The following UNC13B variants were observed in gnomAD, a reference collection of about 807,000 sequenced individuals.
UNC13B encodes the protein unc-13 homolog B, also known as protein unc-13 homolog B.
Under a neutral mutation model 211.0 loss-of-function variants are expected in UNC13B, and 144 were observed. The ratio of observed to expected loss-of-function variants is 0.68; its 90% CI spans 0.60 to 0.78. UNC13B has a LOEUF of 0.78. Ranked by LOEUF, UNC13B falls within the 30% of genes least tolerant of loss-of-function variation. The pLI, the probability that UNC13B is intolerant of heterozygous loss-of-function variation, is 0.00. For synonymous variants in UNC13B, 709 were observed against 725.8 expected (o/e 0.98, Z 0.37); for missense variants, 1,777 against 2,002.0 (o/e 0.89, Z 2.14).
intron 1 of UNC13B, among the ~76,000 whole-genome samples, chr9:35,196,472 A>C (rs1822947079): frequency 6.6e-6 from 1 of 152,322 alleles, no homozygotes; most frequent in African/African-American, 2.4e-5. Flanking sequence ...AGCGGAAGTT[A>C]CATGTTTTTT....
rs1829747539 is a variant in UNC13B at position 35,302,751 on chromosome 9, G to T, written c.3347G>T (p.Cys1116Phe). The T allele has an allele frequency of 2.5e-6, 1 of 398,632 alleles. No homozygotes were observed. The highest frequency in any genetic ancestry group is 2.1e-5 in the African/African-American group (1 of 48,736). The allele number at this position is 398,632 out of a possible 1,614,324, so 24.7% of individuals were successfully genotyped here. A position where few individuals can be genotyped will look rare whatever the true frequency, so the allele number is the denominator to read the frequency against. Residue 1116 changes from cysteine (C) to phenylalanine (F), a missense_variant, in exon 9 of 40, where the codon TGT becomes TTT. Cys to Phe is a radical substitution (Grantham distance 205, BLOSUM62 -2). Transcript: ENST00000635942. Reference sequence around the variant, plus strand: ...GTAGCATCAGACTCTTCATTAGAGTGTATTTCTACCACTTCCAAATCCACT... The same window carrying T: ...GTAGCATCAGACTCTTCATTAGAGTTTATTTCTACCACTTCCAAATCCACT... ...SSVASDSSLECISTTSKSTLV... is the reference protein window; with the variant it reads ...SSVASDSSLEFISTTSKSTLV...
intron 1 of UNC13B, among the ~76,000 whole-genome samples, chr9:35,203,710 A>G (rs181473768): frequency 6.6e-6 from 1 of 152,238 alleles, no homozygotes; most frequent in Non-Finnish European, 1.5e-5. Flanking sequence ...GCTGCTTCTA[A>G]CAGCCTGCAT....
Position 35,376,203 on chromosome 9 carries a change from G to A in UNC13B, c.9791G>A (p.Cys3264Tyr). ...CGCTGCAGCGAATGTGGAGTCAAGT[G>A]CCATGAGAAGTGCCAGGATCTGCTC... ...GMRCSECGVK[C>Y]HEKCQDLLNA... The change falls in exon 15 of 40, where the codon TGC becomes TAC. Residue 3264 changes from cysteine (C) to tyrosine (Y), a missense_variant. Physicochemically the swap from Cys to Tyr is radical, Grantham distance 194 (BLOSUM62 -2). Coordinates refer to ENST00000635942, the MANE Select transcript of UNC13B (RefSeq NM_001371189.2). 6.2e-7 allele frequency: 1 copy of A among 1,614,092 alleles called. No homozygotes were observed. Among genetic ancestry groups the A allele is most frequent in the Non-Finnish European group, 8.5e-7 (1 of 1,180,020 alleles).
intron 11 of UNC13B, among the ~76,000 whole-genome samples, chr9:35,358,608 A>G (rs1833187736): frequency 6.7e-6 from 1 of 150,346 alleles, no homozygotes; most frequent in Non-Finnish European, 1.5e-5. Context: ...CTGAGAAATC[A>G]TTGGTTAATC....
intron 11 of UNC13B, among the ~76,000 whole-genome samples, chr9:35,331,695 C>A (rs1188626269): frequency 6.6e-6 from 1 of 152,044 alleles, no homozygotes; most frequent in Non-Finnish European, 1.5e-5. Flanking sequence ...ATACTTTTTT[C>A]TCTCAGTCAC....
chr9:35,166,507 T>A (rs1254359026), intron 1 of UNC13B, among the ~76,000 whole-genome samples: 3 of 152,152 alleles, frequency 2.0e-5, no homozygotes, highest in East Asian at 1.9e-4. Flanking sequence ...ACTTTTTTTT[T>A]AAATTTAATT....
intron 12 of UNC13B, 103 bp from the exon 13 acceptor site, chr9:35,370,215 A>T (rs575780158): frequency 1.1e-6 from 1 of 930,420 alleles, no homozygotes. Flanking sequence ...AGGTCAGTTC[A>T]TCTTCCTCTG....
chr9:35,288,226 G>A (rs1478491622), intron 7 of UNC13B, among the ~76,000 whole-genome samples: 1 of 151,920 alleles, frequency 6.6e-6, no homozygotes, highest in African/African-American at 2.4e-5. Context: ...ACCACCATTG[G>A]CCACACTGTT....
intron 4 of UNC13B, among the ~76,000 whole-genome samples, chr9:35,237,090 CTA>C (rs1825555123): frequency 6.6e-6 from 1 of 152,124 alleles, no homozygotes; most frequent in Admixed American, 6.6e-5. Context: ...CACACTGTCT[CTA>C]TACGTTATTT....
intron 26 of UNC13B, among the ~76,000 whole-genome samples, chr9:35,392,270 A>C (rs1292952818): frequency 1.3e-5 from 2 of 152,222 alleles, no homozygotes; most frequent in Non-Finnish European, 2.9e-5. Flanking sequence ...ATGTGAAGCC[A>C]GCAGTATTTT....
chr9:35,250,413 A>G (rs1275760937), intron 6 of UNC13B, among the ~76,000 whole-genome samples: 1 of 152,240 alleles, frequency 6.6e-6, no homozygotes, highest in Non-Finnish European at 1.5e-5. Flanking sequence ...TATAAATGAA[A>G]TTATATAACA....
intron 7 of UNC13B, among the ~76,000 whole-genome samples, chr9:35,288,885 C>T (rs1828937344): frequency 6.6e-6 from 1 of 151,986 alleles, no homozygotes; most frequent in African/African-American, 2.4e-5. Flanking sequence ...TTGCCTGGAG[C>T]AATCTAAGTT....
chr9:35,329,452 G>A lies in UNC13B; in HGVS notation c.9414+15463G>A, dbSNP rs533894915. 2.6e-5 allele frequency among the ~76,000 whole-genome samples: 4 copies of A among 152,060 alleles called. 1 individual carries two copies. The South Asian group carries it at 8.3e-4, about 32-fold the overall frequency. ...GCCTTGGGAGAAATCAACCTTCTTGGCATCTTGATCTTGGATTTCTAATAT... is the reference window on the plus strand; with the variant it reads ...GCCTTGGGAGAAATCAACCTTCTTGACATCTTGATCTTGGATTTCTAATAT... On this transcript the variant is annotated intron_variant, in intron 11 of 39. Transcript: ENST00000635942.
At chr9:35,353,135 A>T in intron 11 of UNC13B, 1 of 1,232,192 alleles carries the variant, frequency 8.1e-7, no homozygotes, top group Non-Finnish European at 1.0e-6. Flanking sequence ...TGAGACTTTC[A>T]GTGACATGGT....
chr9:35,388,387 G>A (rs968614412), intron 24 of UNC13B, among the ~76,000 whole-genome samples: 2 of 152,012 alleles, frequency 1.3e-5, no homozygotes, highest in Admixed American at 6.6e-5. Context: ...CAGCCTGGGC[G>A]ACAGAGTGAG....
chr9:35,239,290 A>G (rs1825682852), intron 5 of UNC13B, among the ~76,000 whole-genome samples: 1 of 151,996 alleles, frequency 6.6e-6, no homozygotes, highest in African/African-American at 2.4e-5. Context: ...AAAAGAGGGA[A>G]ATTTTAAAGC....
chr9:35,262,942 C>A (rs190780781), intron 7 of UNC13B, among the ~76,000 whole-genome samples: 49 of 152,154 alleles, frequency 3.2e-4, no homozygotes, highest in South Asian at 8.3e-4. Context: ...CAAAAAAAAC[C>A]AAACCAAACC....
At chr9:35,379,950 A>G (rs1158090722) in intron 17 of UNC13B, among the ~76,000 whole-genome samples, 2 of 152,144 alleles carry the variant, frequency 1.3e-5, no homozygotes, top group Non-Finnish European at 2.9e-5. Context: ...CGAGATGACA[A>G]TTCAATGGGA....
At chr9:35,359,460 A>G (rs1392159203) in intron 11 of UNC13B, among the ~76,000 whole-genome samples, 2 of 152,180 alleles carry the variant, frequency 1.3e-5, no homozygotes, top group African/African-American at 2.4e-5. Context: ...AACATCTTCC[A>G]TGAACACCAG....
Sources: gnomAD v4.1 joint callset for allele counts (sites outside exome capture counted in the v4.1 genomes callset) on GRCh38, gnomAD v4.1.1 for gene constraint, MANE v1.5 for transcripts, NCBI Gene and HGNC (gene_info 2026-07-23, HGNC 2026-07-21) for gene names.